The following NCKAP5 variants were observed in gnomAD, a reference collection of about 807,000 sequenced individuals.
NCKAP5 encodes nck-associated protein 5.
In NCKAP5, 92 loss-of-function variants were observed where a neutral mutation model predicts 167.0. The ratio of observed to expected loss-of-function variants is 0.55; its 90% CI spans 0.47 to 0.66. The LOEUF is 0.66. Ranked by LOEUF, NCKAP5 falls within the 30% of genes least tolerant of loss-of-function variation. The probability of loss-of-function intolerance (pLI) is 0.00; values close to 1 mark genes in which losing one functional copy is unlikely to be tolerated. For synonymous variants in NCKAP5, 891 were observed against 877.4 expected, an observed-to-expected ratio of 1.02 and a Z score of -0.27; for missense variants, 2,378 against 2,315.0, an observed-to-expected ratio of 1.03 and a Z score of -0.56.
At chr2:133,326,482 A>AG (rs1682460248) in intron 3 of NCKAP5, among the ~76,000 whole-genome samples, 1 of 148,694 alleles carries the variant, frequency 6.7e-6, no homozygotes, top group Non-Finnish European at 1.5e-5. Context: ...AAAAAAAAAG[A>AG]GAAAAAGAAA....
At chr2:132,682,789 G>T (rs2709548) in intron 19 of NCKAP5, among the ~76,000 whole-genome samples, 2 of 151,892 alleles carry the variant, frequency 1.3e-5, no homozygotes, top group Non-Finnish European at 2.9e-5. Context: ...ATTTTTCATA[G>T]GTTAACTAGT....
chr2:133,087,681 T>C (rs2081037832), intron 6 of NCKAP5, among the ~76,000 whole-genome samples: 1 of 152,198 alleles, frequency 6.6e-6, no homozygotes, highest in African/African-American at 2.4e-5. Context: ...GCAAACATTT[T>C]ACAACAAAAA....
At chr2:133,420,263 G>T (rs190594077) in intron 3 of NCKAP5, among the ~76,000 whole-genome samples, 1 of 152,278 alleles carries the variant, frequency 6.6e-6, no homozygotes, top group Non-Finnish European at 1.5e-5. Flanking sequence ...GTACAATGGG[G>T]TATTATTTGG....
chr2:133,044,795 C>A (rs796341634), intron 6 of NCKAP5, among the ~76,000 whole-genome samples: 5 of 152,108 alleles, frequency 3.3e-5, no homozygotes. Context: ...TCGGACCAGG[C>A]ATGTTGGCAC....
chr2:133,123,867 A>G, intron 6 of NCKAP5: 1 of 468,696 alleles, frequency 2.1e-6, no homozygotes, highest in Non-Finnish European at 4.4e-6. Flanking sequence ...CATGGGTAGA[A>G]CATTTAAGGG....
At chr2:133,614,779 G>C in the NCKAP5 span, among the ~76,000 whole-genome samples, 962 of 150,534 alleles carry the variant, frequency 6.4e-3, 7 homozygotes, top group African/African-American at 0.021. Context: ...CCAACATTCA[G>C]ATTCAGGAAA....
At chr2:133,116,436 C>T (rs1467118676) in intron 6 of NCKAP5, among the ~76,000 whole-genome samples, 1 of 119,490 alleles carries the variant, frequency 8.4e-6, no homozygotes, top group Non-Finnish European at 1.6e-5. Context: ...TGCAGTGAGC[C>T]GAGATCGCGC....
intron 3 of NCKAP5, among the ~76,000 whole-genome samples, chr2:133,349,911 AT>A (rs1251474282): frequency 6.6e-6 from 1 of 152,224 alleles, no homozygotes; most frequent in South Asian, 2.1e-4. Flanking sequence ...ACTTAATTAT[AT>A]TTTTTTAAAT....
intron 6 of NCKAP5, among the ~76,000 whole-genome samples, chr2:133,029,631 C>A (rs12620460): frequency 6.6e-6 from 1 of 152,208 alleles, no homozygotes; most frequent in Non-Finnish European, 1.5e-5. Context: ...TCCTGAAAAT[C>A]TATTACATGG....
intron 7 of NCKAP5, among the ~76,000 whole-genome samples, chr2:132,976,901 A>C (rs545618906): frequency 2.3e-4 from 35 of 152,154 alleles, no homozygotes; most frequent in Non-Finnish European, 2.9e-4. Flanking sequence ...TGTGTGTGGC[A>C]ATTGCTGGCA....
intron 11 of NCKAP5, among the ~76,000 whole-genome samples, chr2:132,804,206 G>A (rs1236058399): frequency 6.6e-6 from 1 of 152,176 alleles, no homozygotes; most frequent in Non-Finnish European, 1.5e-5. Flanking sequence ...GACAGCTGAA[G>A]AGTGACTCGC....
intron 3 of NCKAP5, among the ~76,000 whole-genome samples, chr2:133,304,559 C>T (rs1408487403): frequency 6.6e-6 from 1 of 152,218 alleles, no homozygotes; most frequent in Admixed American, 6.5e-5. Flanking sequence ...ACGCTTTTAA[C>T]TGTCCTGATC....
the NCKAP5 span, among the ~76,000 whole-genome samples, chr2:133,614,954 G>A: frequency 6.6e-6 from 1 of 152,192 alleles, no homozygotes; most frequent in Non-Finnish European, 1.5e-5. Context: ...GGATCTCTCA[G>A]CAGAAACTCC....
chr2:133,655,724 C>G, the NCKAP5 span, among the ~76,000 whole-genome samples: 1 of 152,136 alleles, frequency 6.6e-6, no homozygotes, highest in East Asian at 1.9e-4. Context: ...ATTGCACCAC[C>G]AAAATTAAAA....
intron 19 of NCKAP5, among the ~76,000 whole-genome samples, chr2:132,696,165 C>G (rs112117823): frequency 1.3e-5 from 2 of 152,134 alleles, no homozygotes; most frequent in Admixed American, 1.3e-4. Context: ...CCTTTGTATG[C>G]AAAAATGATG....
the NCKAP5 span, among the ~76,000 whole-genome samples, chr2:133,667,381 C>G: frequency 6.6e-6 from 1 of 151,960 alleles, no homozygotes; most frequent in African/African-American, 2.4e-5. Flanking sequence ...ATTCAGCTTA[C>G]AGGATGTCTG....
At chr2:132,961,554 C>T (rs1244199012) in intron 8 of NCKAP5, among the ~76,000 whole-genome samples, 1 of 151,990 alleles carries the variant, frequency 6.6e-6, no homozygotes, top group Non-Finnish European at 1.5e-5. Context: ...AATAGTGGGT[C>T]TTAATGGCAC....
At chr2:132,937,698 C>T (rs1696961225) in intron 8 of NCKAP5, among the ~76,000 whole-genome samples, 1 of 152,192 alleles carries the variant, frequency 6.6e-6, no homozygotes, top group Non-Finnish European at 1.5e-5. Context: ...ACATGCCAGA[C>T]CATTAAGAAC....
chr2:133,346,101 A>T (rs1574759394), intron 3 of NCKAP5, among the ~76,000 whole-genome samples: 1 of 152,238 alleles, frequency 6.6e-6, no homozygotes, highest in East Asian at 1.9e-4. Context: ...CATCACTTCC[A>T]CCACTCCACC....
Sources: gnomAD v4.1 joint callset for allele counts (sites outside exome capture counted in the v4.1 genomes callset) on GRCh38, gnomAD v4.1.1 for gene constraint, MANE v1.5 for transcripts, NCBI Gene and HGNC (gene_info 2026-07-23, HGNC 2026-07-21) for gene names.